The following DDR2 variants were observed in gnomAD, a reference collection of about 807,000 sequenced individuals.
DDR2 encodes the protein discoidin domain-containing receptor 2.
DDR2 carries 27 observed loss-of-function variants against 94.9 expected under a neutral mutation model. The ratio of observed to expected loss-of-function variants is 0.28; its 90% CI spans 0.21 to 0.39. The LOEUF (loss-of-function observed/expected upper bound fraction) is 0.39. Among genes scored for constraint, DDR2 ranks in the 10% least tolerant of loss-of-function variants. The pLI, the probability that DDR2 is intolerant of heterozygous loss-of-function variation, is 1.00. For missense variants in DDR2, 783 were observed against 1,076.0 expected (o/e 0.73, Z 3.81); for synonymous variants, 382 against 377.2 (o/e 1.01, Z -0.15).
intron 3 of DDR2, among the ~76,000 whole-genome samples, chr1:162,724,005 A>G (rs1704745): frequency 0.46 from 70,188 of 152,094 alleles, 20,032 homozygotes; most frequent in Middle Eastern, 0.62. Context: ...TCCAGCATCA[A>G]TCCCACATGT....
intron 2 of DDR2, among the ~76,000 whole-genome samples, chr1:162,676,691 G>A (rs548691853): frequency 6.6e-6 from 1 of 152,332 alleles, no homozygotes; most frequent in East Asian, 1.9e-4. Flanking sequence ...TACTTTGGGG[G>A]AGCCAGTGAT....
chr1:162,656,859 G>GTTTTTTTTT (rs200020368), intron 2 of DDR2, among the ~76,000 whole-genome samples: 1 of 107,276 alleles, frequency 9.3e-6, no homozygotes, highest in Non-Finnish European at 1.8e-5. Context: ...TATTTTTTTT[G>GTTTTTTTTT]TTAACAGGGT....
At chr1:162,771,632 A>T (rs1647222649) in intron 12 of DDR2, among the ~76,000 whole-genome samples, 1 of 152,156 alleles carries the variant, frequency 6.6e-6, no homozygotes, top group Non-Finnish European at 1.5e-5. Context: ...CTTTAATCTG[A>T]AAGTTTTTTA....
At chr1:162,675,594 G>T (rs529370193) in intron 2 of DDR2, among the ~76,000 whole-genome samples, 7 of 152,332 alleles carry the variant, frequency 4.6e-5, no homozygotes, top group Admixed American at 2.6e-4. Flanking sequence ...TAGGCACTTA[G>T]CTAATATCTG....
intron 3 of DDR2, among the ~76,000 whole-genome samples, chr1:162,736,926 G>A (rs952805386): frequency 6.6e-5 from 10 of 152,188 alleles, no homozygotes; most frequent in African/African-American, 2.4e-4. Flanking sequence ...GTGGGGTAAG[G>A]ACAAGGTCCA....
At chr1:162,763,861 A>G (rs1663870289) in intron 9 of DDR2, among the ~76,000 whole-genome samples, 1 of 152,204 alleles carries the variant, frequency 6.6e-6, no homozygotes, top group Non-Finnish European at 1.5e-5. Flanking sequence ...TTATACGTTC[A>G]TCTCTATTAT....
intron 3 of DDR2, among the ~76,000 whole-genome samples, chr1:162,736,881 G>A (rs1662322537): frequency 6.6e-6 from 1 of 152,184 alleles, no homozygotes; most frequent in African/African-American, 2.4e-5. Context: ...TGTGTTTGAG[G>A]AACAACAAGG....
At chr1:162,638,097 T>C (rs543461296) in intron 1 of DDR2, among the ~76,000 whole-genome samples, 1 of 152,298 alleles carries the variant, frequency 6.6e-6, no homozygotes, top group African/African-American at 2.4e-5. Context: ...CTTGGCTCAC[T>C]GCACCCTCTG....
rs113919037 is a variant in DDR2 at position 162,714,664 on chromosome 1, T to C, written c.-27-4373T>C. On this transcript the variant is annotated intron_variant, in intron 2 of 17. Transcript: ENST00000367921. ...AGAACAGCTCTCATTCCCTTTCTGT[T>C]ACATTACTCTATTTTATTTTCTTCC... Among the ~76,000 whole-genome samples the C allele has an allele frequency of 5.9e-3, 901 of 152,316 alleles. 11 individuals carry two copies. Among genetic ancestry groups the C allele is most frequent in the African/African-American group, 0.021 (872 of 41,564 alleles).
intron 2 of DDR2, among the ~76,000 whole-genome samples, chr1:162,683,462 T>C (rs1244904358): frequency 2.0e-5 from 3 of 152,130 alleles, no homozygotes; most frequent in Non-Finnish European, 4.4e-5. Context: ...TAAATTCTCC[T>C]AGAACTAATA....
chr1:162,668,324 A>G (rs895883290), intron 2 of DDR2, among the ~76,000 whole-genome samples: 9 of 152,202 alleles, frequency 5.9e-5, no homozygotes, highest in African/African-American at 2.2e-4. Context: ...ATTAGACCTT[A>G]GCTTGTGATT....
intron 1 of DDR2, among the ~76,000 whole-genome samples, chr1:162,643,017 G>A (rs1248405314): frequency 2.6e-5 from 4 of 152,204 alleles, no homozygotes; most frequent in East Asian, 1.9e-4. Context: ...CTTCAAGGGC[G>A]GCTGAAAAGT....
intron 15 of DDR2, 74 bp from the exon 16 acceptor site, chr1:162,776,062 C>T: frequency 7.0e-7 from 1 of 1,420,822 alleles, no homozygotes; most frequent in Non-Finnish European, 9.9e-7. Context: ...TTGTTGATAC[C>T]ATTTTAGAAT....
chr1:162,740,860 G>C (rs558703514), intron 3 of DDR2, among the ~76,000 whole-genome samples: 1 of 152,104 alleles, frequency 6.6e-6, no homozygotes, highest in Middle Eastern at 3.2e-3. Flanking sequence ...ACACAGCGTT[G>C]GTTTCAGAAG....
chr1:162,728,066 CTA>C lies in DDR2; in HGVS notation c.82+8929_82+8930del, dbSNP rs1173638804. 9.2e-5 allele frequency among the ~76,000 whole-genome samples: 12 copies of C among 130,652 alleles called. No individual in the cohort carries two copies. In the East Asian group the frequency reaches 1.1e-3, roughly 11 times the overall value. 85.7% of individuals were successfully genotyped at this position (130,652 alleles called of 152,430 possible). A position where few individuals can be genotyped will look rare whatever the true frequency, so the allele number is the denominator to read the frequency against. On this transcript the variant is annotated intron_variant, in intron 3 of 17. Coordinates refer to ENST00000367921, the MANE Select transcript of DDR2 (RefSeq NM_006182.4). ...ATATCTATATATAGATATAATCACA[CTA>C]TATATATCTATATATAGATATAATC... is the stretch of plus-strand genomic sequence containing the variant.
intron 2 of DDR2, among the ~76,000 whole-genome samples, chr1:162,701,073 G>GA (rs397738963): frequency 0.65 from 93,190 of 143,518 alleles, 30,903 homozygotes; most frequent in Middle Eastern, 0.79. Flanking sequence ...AAGAAGAACT[G>GA]AAAAAAAAAA....
At chr1:162,643,627 C>T (rs956470111) in intron 1 of DDR2, among the ~76,000 whole-genome samples, 2 of 152,136 alleles carry the variant, frequency 1.3e-5, no homozygotes, top group African/African-American at 2.4e-5. Context: ...ATTACAGGCA[C>T]CCACCACCAT....
chr1:162,772,787 T>C (rs1000213791), intron 13 of DDR2, among the ~76,000 whole-genome samples: 1 of 152,216 alleles, frequency 6.6e-6, no homozygotes, highest in Non-Finnish European at 1.5e-5. Context: ...TTTTCATTCT[T>C]GCATCAGTCA....
At chr1:162,648,837 C>T (rs752294226) in intron 1 of DDR2, among the ~76,000 whole-genome samples, 10 of 152,108 alleles carry the variant, frequency 6.6e-5, no homozygotes, top group Non-Finnish European at 1.3e-4. Flanking sequence ...ACTCATTTTC[C>T]CACCAGAACC....
Sources: gnomAD v4.1 joint callset for allele counts (sites outside exome capture counted in the v4.1 genomes callset) on GRCh38, gnomAD v4.1.1 for gene constraint, MANE v1.5 for transcripts, NCBI Gene and HGNC (gene_info 2026-07-23, HGNC 2026-07-21) for gene names.